The following NKAIN2 variants were observed in gnomAD, a reference collection of about 807,000 sequenced individuals.
NKAIN2 encodes sodium/potassium-transporting ATPase subunit beta-1-interacting protein 2.
NKAIN2 carries 14 observed loss-of-function variants against 32.6 expected under a neutral mutation model. The observed-to-expected ratio is 0.43, with a 90% confidence interval of 0.28 to 0.67. NKAIN2 has a LOEUF of 0.67. Among genes scored for constraint, NKAIN2 ranks in the 30% least tolerant of loss-of-function variants. The pLI, the probability that NKAIN2 is intolerant of heterozygous loss-of-function variation, is 0.17. For missense variants in NKAIN2, 198 were observed against 258.3 expected (o/e 0.77, Z 1.60); for synonymous variants, 80 against 87.2 (o/e 0.92, Z 0.46).
chr6:124,525,439 A>G (rs1779275421), intron 3 of NKAIN2, among the ~76,000 whole-genome samples: 1 of 152,160 alleles, frequency 6.6e-6, no homozygotes, highest in African/African-American at 2.4e-5. Context: ...ACTAGAATCT[A>G]GCTAGAATGT....
chr6:124,287,667 A>G (rs1795617616), intron 2 of NKAIN2, among the ~76,000 whole-genome samples: 1 of 152,200 alleles, frequency 6.6e-6, no homozygotes, highest in Non-Finnish European at 1.5e-5. Flanking sequence ...TAATTCATAA[A>G]TAAATATATA....
At chr6:124,639,416 A>G (rs969684110) in intron 3 of NKAIN2, among the ~76,000 whole-genome samples, 1 of 152,172 alleles carries the variant, frequency 6.6e-6, no homozygotes, top group Non-Finnish European at 1.5e-5. Flanking sequence ...TGGGAGGCCA[A>G]CGTGTGTGGG....
At position 123,934,539 on chromosome 6, in the gene NKAIN2, T is replaced by C. The variant is rs143291997; in HGVS notation, c.54+130285T>C. Among the ~76,000 whole-genome samples the C allele has an allele frequency of 4.9e-3, 747 of 152,292 alleles. 8 individuals are homozygous for C. The highest frequency in any genetic ancestry group is 0.015 in the African/African-American group (639 of 41,574). On this transcript the variant is annotated intron_variant, in intron 1 of 6. Coordinates refer to ENST00000368417, the MANE Select transcript of NKAIN2 (RefSeq NM_001040214.3). Reference sequence around the variant, plus strand: ...GTGTGCCATTACTTATTCTTTTATGTGCATGTTCTTTCTTCCTCACTAGAC... The same window carrying C: ...GTGTGCCATTACTTATTCTTTTATGCGCATGTTCTTTCTTCCTCACTAGAC...
At chr6:124,428,627 G>C (rs1225384437) in intron 3 of NKAIN2, among the ~76,000 whole-genome samples, 1 of 152,162 alleles carries the variant, frequency 6.6e-6, no homozygotes, top group Non-Finnish European at 1.5e-5. Context: ...TGTAGGGTGA[G>C]TTAATCATTC....
intron 1 of NKAIN2, among the ~76,000 whole-genome samples, chr6:123,872,001 C>T (rs955097763): frequency 2.6e-5 from 4 of 152,148 alleles, no homozygotes; most frequent in African/African-American, 9.7e-5. Context: ...TGACATGCCC[C>T]TTCCAATTTT....
intron 1 of NKAIN2, among the ~76,000 whole-genome samples, chr6:124,016,561 C>G (rs1039956663): frequency 6.6e-6 from 1 of 152,132 alleles, no homozygotes; most frequent in Non-Finnish European, 1.5e-5. Context: ...GTTTTCTCCC[C>G]TCAAGGAATT....
intron 4 of NKAIN2, among the ~76,000 whole-genome samples, chr6:124,741,022 T>A (rs150251100): frequency 6.6e-6 from 1 of 151,828 alleles, no homozygotes; most frequent in East Asian, 2.0e-4. Context: ...ATTCCAATTC[T>A]GGATATATCT....
At chr6:124,706,956 G>T (rs1326913336) in intron 4 of NKAIN2, among the ~76,000 whole-genome samples, 6 of 151,558 alleles carry the variant, frequency 4.0e-5, no homozygotes. Flanking sequence ...TCGTCATCTA[G>T]CATTAGTATA....
intron 3 of NKAIN2, among the ~76,000 whole-genome samples, chr6:124,634,855 A>G (rs1783710604): frequency 6.6e-6 from 1 of 152,018 alleles, no homozygotes; most frequent in African/African-American, 2.4e-5. Flanking sequence ...CAAACAAACA[A>G]AATTCAAGTC....
At chr6:123,893,252 G>A (rs758813819) in intron 1 of NKAIN2, among the ~76,000 whole-genome samples, 23 of 152,116 alleles carry the variant, frequency 1.5e-4, no homozygotes, top group Non-Finnish European at 3.1e-4. Context: ...CTAGGTTGGA[G>A]TACAGTGGTG....
At chr6:124,533,782 T>C (rs1779616036) in intron 3 of NKAIN2, among the ~76,000 whole-genome samples, 1 of 152,164 alleles carries the variant, frequency 6.6e-6, no homozygotes. Flanking sequence ...AAACCTTTAT[T>C]TCCCACAGTT....
chr6:124,224,508 C>T (rs1395595975), intron 1 of NKAIN2, among the ~76,000 whole-genome samples: 5 of 151,978 alleles, frequency 3.3e-5, no homozygotes, highest in Non-Finnish European at 5.9e-5. Context: ...AACTGTAGCT[C>T]CCCAGAAATA....
chr6:124,766,486 CATT>C (rs1213272108), intron 4 of NKAIN2, among the ~76,000 whole-genome samples: 1 of 152,166 alleles, frequency 6.6e-6, no homozygotes, highest in Non-Finnish European at 1.5e-5. Flanking sequence ...CTCACAAAAT[CATT>C]GTTGTATTTT....
chr6:123,825,268 G>A (rs928527), intron 1 of NKAIN2, among the ~76,000 whole-genome samples: 42,196 of 152,002 alleles, frequency 0.28, 8,378 homozygotes, highest in East Asian at 0.56. Flanking sequence ...TGGGGACACA[G>A]ACTTTCAGAC....
intron 1 of NKAIN2, among the ~76,000 whole-genome samples, chr6:123,966,761 G>A (rs1287084701): frequency 6.6e-6 from 1 of 152,102 alleles, no homozygotes; most frequent in East Asian, 1.9e-4. Flanking sequence ...CTGATATTAT[G>A]TCTACTGTAT....
intron 3 of NKAIN2, among the ~76,000 whole-genome samples, chr6:124,382,224 C>G (rs765767794): frequency 7.9e-5 from 12 of 151,882 alleles, no homozygotes; most frequent in Non-Finnish European, 1.6e-4. Context: ...GAGGAAAATG[C>G]AGTTTATATT....
intron 1 of NKAIN2, among the ~76,000 whole-genome samples, chr6:124,046,074 A>AT (rs1226237941): frequency 6.6e-6 from 1 of 151,988 alleles, no homozygotes; most frequent in African/African-American, 2.4e-5. Flanking sequence ...ATTACACATT[A>AT]TCTTTTTTTT....
At position 124,652,104 on chromosome 6, in the gene NKAIN2, A is replaced by C. The variant is rs9375349; in HGVS notation, c.274-6082A>C. ...CAACTCCTGTAATATTTTGCTTAGA[A>C]ATTTCTTCTGCCAGATATCCTGGAT... On this transcript the variant is annotated intron_variant, in intron 3 of 6. Transcript: ENST00000368417. 7.4e-3 allele frequency among the ~76,000 whole-genome samples: 1,124 copies of C among 152,316 alleles called. 8 individuals carry two copies. Among genetic ancestry groups the C allele is most frequent in the Middle Eastern group, 0.034 (10 of 294 alleles).
chr6:124,496,109 A>G (rs1778054339), intron 3 of NKAIN2, among the ~76,000 whole-genome samples: 1 of 152,148 alleles, frequency 6.6e-6, no homozygotes, highest in Non-Finnish European at 1.5e-5. Context: ...TTATAAAGCT[A>G]CACATACAGC....
Sources: allele counts gnomAD v4.1 joint callset (sites outside exome capture counted in the v4.1 genomes callset), GRCh38; gene constraint gnomAD v4.1.1; transcripts MANE v1.5; gene names NCBI Gene and HGNC (gene_info 2026-07-23, HGNC 2026-07-21).